Variants in CAPN7 observed in about 807,000 individuals in gnomAD.
CAPN7 encodes calpain 7, also known as calpain-7.
Under a neutral mutation model 115.2 loss-of-function variants are expected in CAPN7, and 72 were observed. That is an observed-to-expected ratio of 0.63 (90% CI 0.52 to 0.76). The LOEUF is 0.76. Ranked by LOEUF, CAPN7 falls within the 30% of genes least tolerant of loss-of-function variation. CAPN7 has a pLI of 0.00. For missense variants in CAPN7, 905 were observed against 971.5 expected (o/e 0.93, Z 0.91); for synonymous variants, 344 against 322.3 (o/e 1.07, Z -0.72).
intron 12 of CAPN7, 141 bp downstream of exon 12, chr3:15,235,286 A>G (rs1295475838): frequency 4.4e-6 from 3 of 680,318 alleles, no homozygotes; most frequent in Non-Finnish European, 7.0e-6. Flanking sequence ...CATTAACTTG[A>G]TCTCTACCGT....
At chr3:15,241,016 G>T (rs1695312129) in intron 14 of CAPN7, among the ~76,000 whole-genome samples, 163 bp downstream of exon 14, 1 of 152,098 alleles carries the variant, frequency 6.6e-6, no homozygotes, top group Non-Finnish European at 1.5e-5. Flanking sequence ...ACCAGGTTGG[G>T]CAACATGGCA....
chr3:15,245,797 G>T, intron 17 of CAPN7, 126 bp downstream of exon 17: 2 of 664,246 alleles, frequency 3.0e-6, no homozygotes, highest in South Asian at 3.3e-5. Context: ...CTTTTTTTGT[G>T]CTTATCATTT....
intron 12 of CAPN7, among the ~76,000 whole-genome samples, chr3:15,239,172 A>G (rs371958096): frequency 6.6e-6 from 1 of 152,348 alleles, no homozygotes; most frequent in Non-Finnish European, 1.5e-5. Flanking sequence ...TCTAGGGAAT[A>G]TAGCCTAAGA....
At position 15,227,929 on chromosome 3, in the gene CAPN7, A is replaced by G. The variant is rs1188671070; in HGVS notation, c.816A>G (p.Thr272=). The change falls in exon 7 of 21, where the codon ACA becomes ACG. Residue 272 remains threonine (T), a synonymous_variant. Coordinates refer to ENST00000253693, the MANE Select transcript of CAPN7 (RefSeq NM_014296.3). The part of the protein sequence containing the change: ...VRPEDLTNNP[T]MIYTVSSFSI... ...CAGAAGACCTCACCAACAATCCTACAATGATATATACTGTGTCCAGTTTTA... is the reference window on the plus strand; with the variant it reads ...CAGAAGACCTCACCAACAATCCTACGATGATATATACTGTGTCCAGTTTTA... The G allele has an allele frequency of 1.3e-6, 2 of 1,549,200 alleles. No homozygotes were observed. Among genetic ancestry groups the G allele is most frequent in the Admixed American group, 1.9e-5 (1 of 51,982 alleles).
At chr3:15,239,646 AAAAG>A (rs1205076414) in intron 12 of CAPN7, among the ~76,000 whole-genome samples, 6 of 152,302 alleles carry the variant, frequency 3.9e-5, no homozygotes, top group African/African-American at 1.2e-4. Context: ...CAAAGTAATT[AAAAG>A]AAAGAAATTA....
At chr3:15,221,927 T>C (rs7627108) in intron 5 of CAPN7, among the ~76,000 whole-genome samples, 8,939 of 151,880 alleles carry the variant, frequency 0.059, 923 homozygotes, top group African/African-American at 0.21. Context: ...GCTCTCCAGC[T>C]TGGGCAACAG....
intron 16 of CAPN7, among the ~76,000 whole-genome samples, chr3:15,245,197 C>CAAAAGA (rs371287115): frequency 1.4e-5 from 2 of 139,924 alleles, no homozygotes; most frequent in African/African-American, 5.1e-5. Context: ...AATTTCATCT[C>CAAAAGA]AAAAAAAAAA....
Position 15,242,190 on chromosome 3 carries a change from A to G in CAPN7, c.1801A>G (p.Asn601Asp). 1.2e-6 allele frequency: 2 copies of G among 1,600,944 alleles called. No individual in the cohort carries two copies. The highest frequency in any genetic ancestry group is 1.7e-6 in the Non-Finnish European group (2 of 1,176,210). ...RHITDKDDFA[N>D]NREFITMVVY... Reference sequence around the variant, plus strand: ...TTTGTGATTTTAGGATGATTTTGCGAATAATCGAGAATTTATCACAATGGT... The same window carrying G: ...TTTGTGATTTTAGGATGATTTTGCGGATAATCGAGAATTTATCACAATGGT... The change falls in exon 16 of 21, where the codon AAT (asparagine) becomes GAT (aspartate). Residue 601 changes from asparagine to aspartate, a missense_variant. By Grantham distance (23) the Asn-to-Asp change is conservative (BLOSUM62 1). Coordinates refer to ENST00000253693, the MANE Select transcript of CAPN7 (RefSeq NM_014296.3).
rs753197410 is a variant in CAPN7 at position 15,250,936 on chromosome 3, A to G, written c.2210A>G (p.Tyr737Cys). 10 of 1,602,382 alleles carry G rather than the reference A, an allele frequency of 6.2e-6. 1 individual carries two copies. Among genetic ancestry groups the G allele is most frequent in the Non-Finnish European group, 8.5e-6 (10 of 1,170,020 alleles). ...LLIELRGPRQ[Y>C]SVGFEVVTVS... ...CTGTTCATTTTAAATGCTAGGCAAT[A>G]TAGCGTTGGATTTGAGGTTGTAACA... The change falls in exon 20 of 21, where the codon TAT becomes TGT. Residue 737 changes from tyrosine (Y) to cysteine (C), a missense_variant. Physicochemically the swap from Tyr to Cys is radical, Grantham distance 194. Transcript: ENST00000253693.
chr3:15,249,554 T>C (rs1017570545), intron 19 of CAPN7, among the ~76,000 whole-genome samples: 1 of 152,198 alleles, frequency 6.6e-6, no homozygotes. Flanking sequence ...ATTTAAAAAA[T>C]TCATATGAAT....
intron 12 of CAPN7, among the ~76,000 whole-genome samples, chr3:15,235,495 C>T (rs755816319): frequency 6.6e-6 from 1 of 151,866 alleles, no homozygotes; most frequent in Non-Finnish European, 1.5e-5. Context: ...AAGCAGTGGT[C>T]GCCAACCTTT....
chr3:15,232,582 A>G lies in CAPN7; in HGVS notation c.1096A>G (p.Asn366Asp), dbSNP rs1225547908. ...KGELLCSYSNNKSELWVSLIE... is the reference protein window; with the variant it reads ...KGELLCSYSNDKSELWVSLIE... ...AGAATTGCTCTGTTCTTATTCCAAC[A>G]ACAAAAGTGAATTATGGGTTTCTCT... The change falls in exon 10 of 21, where the codon AAC (asparagine) becomes GAC (aspartate). Residue 366 changes from asparagine to aspartate, a missense_variant. By Grantham distance (23) the Asn-to-Asp change is conservative. Around this residue, in one of 3 missense-constraint regions of CAPN7, gnomAD observed 620 missense variants for 703.4 expected, o/e 0.88. Coordinates refer to ENST00000253693, the MANE Select transcript of CAPN7 (RefSeq NM_014296.3). The G allele has an allele frequency of 1.2e-6, 2 of 1,613,008 alleles. No individual in the cohort carries two copies. Among genetic ancestry groups the G allele is most frequent in the East Asian group, 2.2e-5 (1 of 44,750 alleles).
chr3:15,244,803 G>T (rs556631596), intron 16 of CAPN7, among the ~76,000 whole-genome samples: 3 of 152,030 alleles, frequency 2.0e-5, no homozygotes, highest in African/African-American at 7.2e-5. Flanking sequence ...AGCAATTGGG[G>T]GTGTAGATAA....
In CAPN7 at chr3:15,206,417, C is replaced by T. The variant is rs1240006571; in HGVS notation, c.-79C>T. 8 of 1,125,218 alleles carry T rather than the reference C, an allele frequency of 7.1e-6. No homozygotes were observed. Among genetic ancestry groups the T allele is most frequent in the African/African-American group, 1.6e-5 (1 of 61,268 alleles). The allele number at this position is 1,125,218 out of a possible 1,614,324, so 69.7% of individuals were successfully genotyped here. On this transcript the variant is annotated 5_prime_UTR_variant, in exon 1 of 21. Coordinates refer to ENST00000253693, the MANE Select transcript of CAPN7 (RefSeq NM_014296.3). ...CCGCGGCGCTCCCGAGTCCTCGCCG[C>T]CGCCGGGCCGCCGCAGTCCGCGAAG...
chr3:15,213,904 G>T (rs2045094255), intron 2 of CAPN7, among the ~76,000 whole-genome samples: 1 of 149,268 alleles, frequency 6.7e-6, no homozygotes, highest in African/African-American at 2.5e-5. Context: ...TTTTGAGGTG[G>T]AGTCTCGTTC....
rs1429640188 is a variant in CAPN7 at position 15,251,651 on chromosome 3, T to TA, written c.*392dup. 1 of 156,140 alleles carries TA rather than the reference T, an allele frequency of 6.4e-6. No individual in the cohort carries two copies. The highest frequency in any genetic ancestry group is 1.4e-5 in the Non-Finnish European group (1 of 70,736). The allele number at this position is 156,140 out of a possible 1,614,324, so 9.7% of individuals were successfully genotyped here. A position where few individuals can be genotyped will look rare whatever the true frequency, so the allele number is the denominator to read the frequency against. On this transcript the variant is annotated 3_prime_UTR_variant, in exon 21 of 21. Transcript: ENST00000253693. ...TGAGTGGAATAGTGGGCTAGATTAATATACCGAAATATTTCCATTGTTTCC... is the reference window on the plus strand; with the variant it reads ...TGAGTGGAATAGTGGGCTAGATTAATAATACCGAAATATTTCCATTGTTTCC...
intron 10 of CAPN7, among the ~76,000 whole-genome samples, chr3:15,233,187 A>G (rs1379047661): frequency 3.9e-5 from 6 of 152,206 alleles, no homozygotes; most frequent in Non-Finnish European, 7.3e-5. Context: ...TATCCATAAT[A>G]TAAGGATAAT....
intron 1 of CAPN7, among the ~76,000 whole-genome samples, chr3:15,207,227 A>G (rs1047978791): frequency 1.3e-5 from 2 of 152,178 alleles, no homozygotes; most frequent in African/African-American, 4.8e-5. Context: ...TGGTGTGTGC[A>G]GTTACATGCA....
intron 12 of CAPN7, among the ~76,000 whole-genome samples, chr3:15,236,499 G>A (rs745996708): frequency 6.6e-5 from 10 of 152,258 alleles, no homozygotes; most frequent in Admixed American, 2.6e-4. Context: ...GCACTACTGT[G>A]TGTTAATTAG....
Sources: gnomAD v4.1 joint callset for allele counts (sites outside exome capture counted in the v4.1 genomes callset) on GRCh38, gnomAD v4.1.1 for gene constraint, gnomAD v4.1.1 regional missense constraint, MANE v1.5 for transcripts, NCBI Gene and HGNC (gene_info 2026-07-23, HGNC 2026-07-21) for gene names.